PACSIN2: variants seen among roughly 807,000 people sequenced by gnomAD.
PACSIN2 encodes protein kinase C and casein kinase substrate in neurons 2, also known as protein kinase C and casein kinase substrate in neurons protein 2.
Under a neutral mutation model 63.8 loss-of-function variants are expected in PACSIN2, and 25 were observed. The observed-to-expected ratio is 0.39, with a 90% CI of 0.29 to 0.55. PACSIN2 has a LOEUF of 0.55. PACSIN2 is among the 20% of genes least tolerant of loss of function. PACSIN2 has a pLI of 0.62. For missense variants in PACSIN2, 518 were observed against 646.9 expected (o/e 0.80, Z 2.16); for synonymous variants, 255 against 256.2 (o/e 1.00, Z 0.05).
chr22:42,959,407 T>TA (rs775789675), intron 1 of PACSIN2, among the ~76,000 whole-genome samples: 2 of 152,200 alleles, frequency 1.3e-5, no homozygotes, highest in East Asian at 1.9e-4. Context: ...ACAGCTAAAG[T>TA]ATGTCAGCTA....
intron 2 of PACSIN2, among the ~76,000 whole-genome samples, chr22:42,906,938 T>G (rs1367276574): frequency 6.6e-6 from 1 of 152,110 alleles, no homozygotes; most frequent in Non-Finnish European, 1.5e-5. Flanking sequence ...ATCCTGGAAG[T>G]AGGAAATGAG....
At chr22:42,938,318 T>C (rs1017149719) in intron 1 of PACSIN2, among the ~76,000 whole-genome samples, 1 of 152,180 alleles carries the variant, frequency 6.6e-6, no homozygotes, top group African/African-American at 2.4e-5. Context: ...CAGAAAGATA[T>C]GCCAATTAAT....
At chr22:42,924,627 C>A (rs963850812) in intron 1 of PACSIN2, among the ~76,000 whole-genome samples, 1 of 152,212 alleles carries the variant, frequency 6.6e-6, no homozygotes, top group Non-Finnish European at 1.5e-5. Context: ...CCACCCTACA[C>A]CAAGCTCCAC....
chr22:42,913,297 C>G (rs746521276), intron 1 of PACSIN2, among the ~76,000 whole-genome samples: 2 of 152,036 alleles, frequency 1.3e-5, no homozygotes, highest in Admixed American at 6.5e-5. Context: ...CTGACCAAGA[C>G]GGAGAAACCC....
chr22:42,893,273 C>T (rs1255493014), intron 3 of PACSIN2, among the ~76,000 whole-genome samples, 184 bp downstream of exon 3: 3 of 152,212 alleles, frequency 2.0e-5, no homozygotes, highest in Non-Finnish European at 4.4e-5. Flanking sequence ...GGAGCCTGTG[C>T]CTTCTGGTGA....
At chr22:42,935,939 C>A (rs1249751350) in intron 1 of PACSIN2, among the ~76,000 whole-genome samples, 1 of 152,162 alleles carries the variant, frequency 6.6e-6, no homozygotes, top group Non-Finnish European at 1.5e-5. Context: ...TCCAGCAGGG[C>A]ACGGTGGCTC....
chr22:43,014,146 C>T (rs1924687073), intron 1 of PACSIN2, among the ~76,000 whole-genome samples: 2 of 152,032 alleles, frequency 1.3e-5, no homozygotes, highest in South Asian at 4.1e-4. Flanking sequence ...CAATTGCGGA[C>T]CTCTCAGGAT....
chr22:42,905,301 T>G (rs1189222216), intron 2 of PACSIN2, among the ~76,000 whole-genome samples: 1 of 152,272 alleles, frequency 6.6e-6, no homozygotes, highest in East Asian at 1.9e-4. Flanking sequence ...TTTTCCTGTC[T>G]CCGCGTGTGC....
intron 1 of PACSIN2, among the ~76,000 whole-genome samples, chr22:42,919,115 A>G (rs1302255970): frequency 2.0e-5 from 3 of 152,212 alleles, no homozygotes; most frequent in Middle Eastern, 6.3e-3. Context: ...TTATTAATGC[A>G]AAAAATATGT....
chr22:42,982,350 G>C (rs1922238697), intron 1 of PACSIN2, among the ~76,000 whole-genome samples: 1 of 102,990 alleles, frequency 9.7e-6, no homozygotes, highest in Non-Finnish European at 2.0e-5. Flanking sequence ...CCCTCTGCCC[G>C]GCCACGACCC....
At chr22:42,985,055 G>A (rs2146893038) in intron 1 of PACSIN2, among the ~76,000 whole-genome samples, 1 of 152,366 alleles carries the variant, frequency 6.6e-6, no homozygotes, top group South Asian at 2.1e-4. Context: ...TGGGCTGGGT[G>A]TGGTGGCTCA....
At chr22:42,957,219 T>C (rs762492450) in intron 1 of PACSIN2, among the ~76,000 whole-genome samples, 25 of 152,208 alleles carry the variant, frequency 1.6e-4, no homozygotes, top group Non-Finnish European at 2.6e-4. Context: ...CATAAAAATA[T>C]TGCTTATGTA....
At chr22:42,906,338 C>T (rs778458787) in intron 2 of PACSIN2, among the ~76,000 whole-genome samples, 2 of 152,372 alleles carry the variant, frequency 1.3e-5, no homozygotes, top group African/African-American at 2.4e-5. Context: ...CTAATCTCAA[C>T]GTCAAAGTCT....
At chr22:42,953,448 C>T (rs1325862650) in intron 1 of PACSIN2, among the ~76,000 whole-genome samples, 1 of 152,124 alleles carries the variant, frequency 6.6e-6, no homozygotes, top group African/African-American at 2.4e-5. Context: ...GGCCTAGCCA[C>T]TGCAATAAGA....
chr22:42,975,685 G>C (rs1478232891), intron 1 of PACSIN2, among the ~76,000 whole-genome samples: 2 of 142,854 alleles, frequency 1.4e-5, no homozygotes, highest in African/African-American at 2.6e-5. Flanking sequence ...CAGGAATGAT[G>C]AACTATTCTA....
intron 1 of PACSIN2, among the ~76,000 whole-genome samples, chr22:42,936,315 A>G (rs1248052349): frequency 6.6e-6 from 1 of 152,158 alleles, no homozygotes; most frequent in Non-Finnish European, 1.5e-5. Context: ...ATGCGGGGAA[A>G]TACCTGTCTC....
chr22:42,946,866 T>G (rs965846761), intron 1 of PACSIN2: 1 of 152,286 alleles, frequency 6.6e-6, no homozygotes, highest in African/African-American at 2.4e-5. Flanking sequence ...GTGGACCATG[T>G]TGCAGGGAGC....
intron 1 of PACSIN2, among the ~76,000 whole-genome samples, chr22:42,991,890 G>A (rs1376601944): frequency 1.3e-5 from 2 of 150,370 alleles, no homozygotes; most frequent in Admixed American, 6.6e-5. Context: ...AGGCCTAAAT[G>A]TAAAACATAA....
At chr22:42,889,916 C>T (rs7288133) in intron 4 of PACSIN2, among the ~76,000 whole-genome samples, 63,591 of 150,692 alleles carry the variant, frequency 0.42, 13,967 homozygotes, top group Non-Finnish European at 0.49. Context: ...GTCAAAGGGA[C>T]TTGAAAAAAA....
Sources: allele counts gnomAD v4.1 joint callset (sites outside exome capture counted in the v4.1 genomes callset), GRCh38; gene constraint gnomAD v4.1.1; transcripts MANE v1.5; gene names NCBI Gene and HGNC (gene_info 2026-07-23, HGNC 2026-07-21).